The following INO80D variants were observed in gnomAD, a reference collection of about 807,000 sequenced individuals.
INO80D encodes INO80 complex subunit D.
In INO80D, 21 loss-of-function variants were observed where a neutral mutation model predicts 87.6. The observed-to-expected ratio is 0.24, with a 90% CI of 0.17 to 0.35. The LOEUF (loss-of-function observed/expected upper bound fraction) is 0.35, where lower values mean the gene tolerates loss of function less well. Among genes scored for constraint, INO80D ranks in the 10% least tolerant of loss-of-function variants. INO80D has a pLI of 1.00. For synonymous variants in INO80D, 440 were observed against 491.0 expected, an observed-to-expected ratio of 0.90 and a Z score of 1.37; for missense variants, 982 against 1,280.7, an observed-to-expected ratio of 0.77 and a Z score of 3.56.
chr2:206,067,345 A>G (rs1689846485), intron 1 of INO80D, among the ~76,000 whole-genome samples: 1 of 152,104 alleles, frequency 6.6e-6, no homozygotes, highest in Non-Finnish European at 1.5e-5. Context: ...GAGATTTGTT[A>G]AAGGATACAA....
At position 206,005,499 on chromosome 2, in the gene INO80D, C is replaced by T. The variant is rs775001103; in HGVS notation, c.1953G>A (p.Glu651=). ...KNGDLLPTTE[E]AEELERALQA... ...GCAAGGCCCGTTCAAGCTCCTCAGC[C>T]TCTTCGGTAGTTGGGAGGAGGTCTC... Residue 651 remains glutamate, a synonymous_variant, in exon 11 of 11, where the codon GAG becomes GAA. Coordinates refer to ENST00000403263, the MANE Select transcript of INO80D (RefSeq NM_017759.5). The T allele has an allele frequency of 2.5e-6, 4 of 1,613,388 alleles. No individual in the cohort carries two copies. The highest frequency in any genetic ancestry group is 2.5e-6 in the Non-Finnish European group (3 of 1,179,856).
chr2:206,022,480 T>A (rs1357304393), intron 6 of INO80D, among the ~76,000 whole-genome samples: 1 of 152,134 alleles, frequency 6.6e-6, no homozygotes, highest in Non-Finnish European at 1.5e-5. Context: ...CTTTTTCATG[T>A]TTTTCATATT....
chr2:206,015,828 A>G (rs1369686921), intron 8 of INO80D, among the ~76,000 whole-genome samples: 1 of 152,178 alleles, frequency 6.6e-6, no homozygotes, highest in African/African-American at 2.4e-5. Flanking sequence ...CAGAGGTTGC[A>G]GTGAGCCAAG....
rs1280720339 is a variant in INO80D, at chr2:206,056,667, A to G, written c.495T>C (p.Thr165=). Residue 165 remains threonine (T), a synonymous_variant, in exon 4 of 11, where the codon ACT becomes ACC. Coordinates refer to ENST00000403263, the MANE Select transcript of INO80D (RefSeq NM_017759.5). ...ACTTGCTCTGCAACTTCTTTCTCAC[A>G]GTTGCCCCTTTCTTTAGGTCATCAT... The part of the protein sequence containing the change: ...EEDDDLKKGA[T]VRKKLQSKLA... 3 of 1,613,240 alleles carry G rather than the reference A, an allele frequency of 1.9e-6. No homozygotes were observed. In the Admixed American group the frequency reaches 5.0e-5, roughly 27 times the overall value.
intron 10 of INO80D, among the ~76,000 whole-genome samples, chr2:206,006,534 T>C (rs1364782690): frequency 2.0e-5 from 3 of 151,260 alleles, no homozygotes; most frequent in Non-Finnish European, 4.4e-5. Flanking sequence ...AATAGAAAAA[T>C]TAGCTGGGCA....
chr2:206,067,471 T>C (rs926339502), intron 1 of INO80D, among the ~76,000 whole-genome samples: 1 of 152,110 alleles, frequency 6.6e-6, no homozygotes, highest in Non-Finnish European at 1.5e-5. Flanking sequence ...ATTGAATGTT[T>C]CCAATACACA....
intron 5 of INO80D, among the ~76,000 whole-genome samples, chr2:206,039,348 G>T (rs568558528): frequency 3.9e-5 from 6 of 152,082 alleles, no homozygotes; most frequent in Admixed American, 2.0e-4. Context: ...GGTGAGCCGA[G>T]ATTGCGCCAT....
chr2:206,005,242 C>T lies in INO80D; in HGVS notation c.2210G>A (p.Arg737His), dbSNP rs756254421. 4.5e-5 allele frequency: 73 copies of T among 1,613,870 alleles called. No individual in the cohort carries two copies. The highest frequency in any genetic ancestry group is 5.3e-5 in the Non-Finnish European group (63 of 1,179,888). ...SSLELDENLL[R>H]SATLSNPPTP... ...AGGTGGGTTTGACAAGGTAGCAGAA[C>T]GGAGCAGGTTCTCATCCAGCTCTAG... Residue 737 changes from arginine (R) to histidine (H), a missense_variant, in exon 11 of 11, where the codon CGT becomes CAT. Transcript: ENST00000403263.
At chr2:206,076,995 C>T (rs1053392009) in intron 1 of INO80D, among the ~76,000 whole-genome samples, 5 of 152,122 alleles carry the variant, frequency 3.3e-5, no homozygotes, top group African/African-American at 4.8e-5. Context: ...CATTAGAAGC[C>T]GGGCGCGGTG....
intron 8 of INO80D, among the ~76,000 whole-genome samples, chr2:206,013,485 G>A (rs1316757117): frequency 1.3e-5 from 2 of 150,736 alleles, no homozygotes; most frequent in South Asian, 2.1e-4. Context: ...CCGGGAGGTG[G>A]AGCTTGCAGT....
At position 206,010,899 on chromosome 2, in the gene INO80D, G is replaced by A. The variant is rs573179849; in HGVS notation, c.1543-1105C>T. Among the ~76,000 whole-genome samples the A allele has an allele frequency of 3.3e-5, 5 of 152,070 alleles. No homozygotes were observed. In the South Asian group the frequency reaches 8.3e-4, roughly 25 times the overall value. ...TCGAGACCAGCCTGGCCAACATGGC[G>A]AAACTCCATCTCTAATAAAAATACA... On this transcript the variant is annotated intron_variant, in intron 8 of 10. Coordinates refer to ENST00000403263, the MANE Select transcript of INO80D (RefSeq NM_017759.5).
chr2:206,034,370 C>T (rs1688842157), intron 5 of INO80D, among the ~76,000 whole-genome samples: 1 of 152,104 alleles, frequency 6.6e-6, no homozygotes, highest in Non-Finnish European at 1.5e-5. Context: ...CCGAATCCAA[C>T]AACTTATCAA....
chr2:206,037,873 T>C (rs751955793), intron 5 of INO80D, among the ~76,000 whole-genome samples: 1 of 152,206 alleles, frequency 6.6e-6, no homozygotes, highest in Admixed American at 6.5e-5. Flanking sequence ...GTTGTATGTA[T>C]ACATAATGGA....
At chr2:206,016,934 TC>T (rs1387295047) in intron 8 of INO80D, among the ~76,000 whole-genome samples, 1 of 152,158 alleles carries the variant, frequency 6.6e-6, no homozygotes, top group East Asian at 1.9e-4. Context: ...TAAACCTCTT[TC>T]TTTTGTAAAC....
chr2:206,072,465 A>G (rs1431518746), intron 1 of INO80D, among the ~76,000 whole-genome samples: 1 of 151,724 alleles, frequency 6.6e-6, no homozygotes, highest in Non-Finnish European at 1.5e-5. Flanking sequence ...TTTAGTAGAG[A>G]CGGGGTTTCA....
At chr2:206,060,686 G>A (rs1307315462) in intron 3 of INO80D, among the ~76,000 whole-genome samples, 1 of 151,156 alleles carries the variant, frequency 6.6e-6, no homozygotes, top group Non-Finnish European at 1.5e-5. Flanking sequence ...TCAGTCTCCC[G>A]AGCAGCTGGG....
chr2:206,066,448 T>C (rs1044754737), intron 1 of INO80D, among the ~76,000 whole-genome samples: 1 of 152,116 alleles, frequency 6.6e-6, no homozygotes, highest in African/African-American at 2.4e-5. Context: ...CCACAACAGA[T>C]GAATGGATAA....
At chr2:206,016,733 T>C (rs967394272) in intron 8 of INO80D, among the ~76,000 whole-genome samples, 15 of 152,154 alleles carry the variant, frequency 9.9e-5, no homozygotes, top group Non-Finnish European at 1.0e-4. Flanking sequence ...GGCAGGTCTT[T>C]CCTGTTGTCT....
Position 206,027,704 on chromosome 2 carries a change from TAAAAACAA to T in INO80D, c.1298+399_1298+406del, listed in dbSNP as rs984043028. ...GGGCGACAGAGCAAGACCCTGTCTC[TAAAAACAA>T]AAAAATGAAAACCAACACTGAAAAG... is the stretch of plus-strand genomic sequence containing the variant. On this transcript the variant is annotated intron_variant, in intron 6 of 10. Coordinates refer to ENST00000403263, the MANE Select transcript of INO80D (RefSeq NM_017759.5). Among the ~76,000 whole-genome samples the T allele has an allele frequency of 4.7e-4, 71 of 151,962 alleles. 1 individual carries two copies. The highest frequency in any genetic ancestry group is 2.6e-3 in the Admixed American group (40 of 15,246).
Sources: allele counts gnomAD v4.1 joint callset (sites outside exome capture counted in the v4.1 genomes callset), GRCh38; gene constraint gnomAD v4.1.1; transcripts MANE v1.5; gene names NCBI Gene and HGNC (gene_info 2026-07-23, HGNC 2026-07-21).